MCPH1: variants seen among roughly 807,000 people sequenced by gnomAD.
The protein encoded by MCPH1 is microcephalin 1, also known as microcephalin.
MCPH1 carries 104 observed loss-of-function variants against 84.5 expected under a neutral mutation model. That is an observed-to-expected ratio of 1.23 (90% confidence interval 1.05 to 1.45). MCPH1 has a LOEUF of 1.45. MCPH1 is among the 40% of genes most tolerant of loss of function. The pLI, the probability that MCPH1 is intolerant of heterozygous loss-of-function variation, is 0.00. For synonymous variants in MCPH1, 514 were observed against 366.8 expected (o/e 1.40, Z -4.58); for missense variants, 1,498 against 1,005.7 (o/e 1.49, Z -6.62).
At chr8:6,460,220 C>G (rs1263159591) in intron 9 of MCPH1, among the ~76,000 whole-genome samples, 1 of 152,000 alleles carries the variant, frequency 6.6e-6, no homozygotes, top group African/African-American at 2.4e-5. Flanking sequence ...TGATTTTCCT[C>G]TATTTCTTTC....
chr8:6,529,657 G>A (rs1195684335), intron 12 of MCPH1, among the ~76,000 whole-genome samples: 3 of 147,902 alleles, frequency 2.0e-5, no homozygotes, highest in Non-Finnish European at 3.0e-5. Flanking sequence ...TAGAGATGGG[G>A]TTTCACCATG....
chr8:6,530,500 C>T (rs1230453204), intron 12 of MCPH1, among the ~76,000 whole-genome samples: 1 of 108,932 alleles, frequency 9.2e-6, no homozygotes, highest in Non-Finnish European at 1.8e-5. Context: ...TGCAGTGAGA[C>T]TCTGTCTCAA....
At chr8:6,565,116 C>T (rs1372998040) in intron 12 of MCPH1, among the ~76,000 whole-genome samples, 1 of 152,222 alleles carries the variant, frequency 6.6e-6, no homozygotes, top group Non-Finnish European at 1.5e-5. Context: ...TAGAACCCTG[C>T]TTCTGTGTGA....
In MCPH1 at chr8:6,465,752, G is replaced by A. The variant is rs185187887; in HGVS notation, c.1935+10500G>A. On this transcript the variant is annotated intron_variant, in intron 9 of 13. Transcript: ENST00000344683. ...GACTCATGTTAATAAGTAACAAGCG[G>A]CTTTGTTTGTTATGCTCCTCAGACA... 8.5e-5 allele frequency among the ~76,000 whole-genome samples: 13 copies of A among 152,228 alleles called. No homozygotes were observed. The East Asian group carries it at 2.3e-3, about 27-fold the overall frequency.
rs556677528 is a variant in MCPH1 at position 6,519,800 on chromosome 8, T to G, written c.2214+19871T>G. ...TGGGGAGAGACTTCTGCTCTCTGGT[T>G]CCTCACTCACTAAAGTGGCCTGCCT... On this transcript the variant is annotated intron_variant, in intron 12 of 13. Coordinates refer to ENST00000344683, the MANE Select transcript of MCPH1 (RefSeq NM_024596.5). 26 of 1,574,506 alleles carry G rather than the reference T, an allele frequency of 1.7e-5. No individual in the cohort carries two copies. The African/African-American group carries it at 2.7e-4, about 16-fold the overall frequency.
rs181557053 is a variant in MCPH1 at position 6,441,697 on chromosome 8, G to C, written c.581-370G>C. On this transcript the variant is annotated intron_variant, in intron 6 of 13. Transcript: ENST00000344683. ...CTGCCTCTCCCCACTAACACTAGCA[G>C]TGTACCTACTGCTCTCCCTCACTGG... 1.2e-3 allele frequency among the ~76,000 whole-genome samples: 176 copies of C among 152,310 alleles called. 1 individual carries two copies. Among genetic ancestry groups the C allele is most frequent in the African/African-American group, 4.1e-3 (171 of 41,558 alleles).
At chr8:6,513,407 A>C (rs552342039) in intron 12 of MCPH1, among the ~76,000 whole-genome samples, 79 of 145,582 alleles carry the variant, frequency 5.4e-4, no homozygotes, top group Middle Eastern at 3.6e-3. Flanking sequence ...ATCTCGGCTC[A>C]CTGCAAGCTC....
intron 9 of MCPH1, among the ~76,000 whole-genome samples, chr8:6,467,329 T>G (rs1298949482): frequency 6.6e-6 from 1 of 152,178 alleles, no homozygotes; most frequent in African/African-American, 2.4e-5. Flanking sequence ...TTTTTTGAAG[T>G]TGTGTTGTTT....
At chr8:6,508,755 C>G in intron 12 of MCPH1, 1 of 878,866 alleles carries the variant, frequency 1.1e-6, no homozygotes, top group Non-Finnish European at 1.8e-6. Context: ...CATATTCTCA[C>G]TTAAAACTTA....
intron 12 of MCPH1, among the ~76,000 whole-genome samples, chr8:6,605,979 G>A (rs1190564537): frequency 1.3e-5 from 2 of 152,192 alleles, no homozygotes; most frequent in African/African-American, 4.8e-5. Context: ...TTACAGGCAT[G>A]AGCCACCATG....
chr8:6,610,974 A>T (rs1211657141), intron 12 of MCPH1, among the ~76,000 whole-genome samples: 1 of 151,946 alleles, frequency 6.6e-6, no homozygotes, highest in Non-Finnish European at 1.5e-5. Flanking sequence ...TTTGCTTGTC[A>T]CCTCTACTCA....
chr8:6,571,981 A>G (rs556561656), intron 12 of MCPH1, among the ~76,000 whole-genome samples: 59 of 152,104 alleles, frequency 3.9e-4, no homozygotes, highest in Non-Finnish European at 7.6e-4. Context: ...GTATCCCTCC[A>G]CTTTTTCTCT....
intron 9 of MCPH1, among the ~76,000 whole-genome samples, chr8:6,456,561 C>T (rs572988582): frequency 1.3e-5 from 2 of 152,242 alleles, no homozygotes; most frequent in African/African-American, 4.8e-5. Flanking sequence ...TCTGTGCCCT[C>T]CCGCTTTACT....
intron 12 of MCPH1, among the ~76,000 whole-genome samples, chr8:6,619,729 T>C (rs1005830585): frequency 1.4e-4 from 21 of 152,128 alleles, no homozygotes; most frequent in African/African-American, 4.6e-4. Context: ...GGACTACAGG[T>C]GCCCACCACC....
Position 6,637,127 on chromosome 8 carries a change from A to G in MCPH1, c.2453-5867A>G, listed in dbSNP as rs116943454. On this transcript the variant is annotated intron_variant, in intron 13 of 13. Transcript: ENST00000344683. ...TTCATTTACCCAGTAGATATTTCCT[A>G]CACACTCGTCATATGCCGAGCATAT... is the stretch of plus-strand genomic sequence containing the variant. Among the ~76,000 whole-genome samples the G allele has an allele frequency of 5.5e-4, 84 of 152,362 alleles. 1 individual carries two copies. In the East Asian group the frequency reaches 0.011, roughly 20 times the overall value.
At chr8:6,439,192 C>A in intron 6 of MCPH1, 96 bp downstream of exon 6, 1 of 1,246,280 alleles carries the variant, frequency 8.0e-7, no homozygotes, top group Middle Eastern at 2.3e-4. Context: ...TTTAATGTTT[C>A]CTGGTAGTAA....
intron 12 of MCPH1, among the ~76,000 whole-genome samples, chr8:6,539,734 A>T (rs1256635864): frequency 2.0e-5 from 3 of 152,066 alleles, no homozygotes; most frequent in African/African-American, 7.2e-5. Context: ...TTACAGGCGC[A>T]CACCACCATG....
At position 6,458,453 on chromosome 8, in the gene MCPH1, C is replaced by T. The variant is rs182930716; in HGVS notation, c.1935+3201C>T. ...TGCCACTGCATTCCAGCCTGGGCAA[C>T]AGAGTGAGACTCCTTCTCAAAAAAA... On this transcript the variant is annotated intron_variant, in intron 9 of 13. Coordinates refer to ENST00000344683, the MANE Select transcript of MCPH1 (RefSeq NM_024596.5). Among the ~76,000 whole-genome samples the T allele has an allele frequency of 2.7e-4, 35 of 129,946 alleles. 1 individual carries two copies. In the East Asian group the frequency reaches 7.4e-3, roughly 28 times the overall value. 85.2% of individuals were successfully genotyped at this position (129,946 alleles called of 152,430 possible).
chr8:6,528,974 G>A (rs922085617), intron 12 of MCPH1, among the ~76,000 whole-genome samples: 6 of 152,188 alleles, frequency 3.9e-5, no homozygotes, highest in South Asian at 2.1e-4. Flanking sequence ...TTTGGCCTAC[G>A]TCTTCTTTGA....
Sources: allele counts gnomAD v4.1 joint callset (sites outside exome capture counted in the v4.1 genomes callset), GRCh38; gene constraint gnomAD v4.1.1; transcripts MANE v1.5; gene names NCBI Gene and HGNC (gene_info 2026-07-23, HGNC 2026-07-21).